Variants in PRKD3 observed in about 807,000 individuals in gnomAD.
The protein encoded by PRKD3 is serine/threonine-protein kinase D3.
Under a neutral mutation model 99.2 loss-of-function variants are expected in PRKD3, and 47 were observed. The observed-to-expected ratio is 0.47, with a 90% confidence interval of 0.38 to 0.60. PRKD3 has a LOEUF of 0.60. Ranked by LOEUF, PRKD3 falls within the 20% of genes least tolerant of loss-of-function variation. The pLI is 0.00. For synonymous variants in PRKD3, 392 were observed against 355.4 expected, an observed-to-expected ratio of 1.10 and a Z score of -1.16; for missense variants, 1,019 against 1,088.4, an observed-to-expected ratio of 0.94 and a Z score of 0.90.
At chr2:37,300,485 C>A (rs765797536) in intron 2 of PRKD3, among the ~76,000 whole-genome samples, 3 of 152,106 alleles carry the variant, frequency 2.0e-5, no homozygotes, top group African/African-American at 7.2e-5. Context: ...CTACAGTTAA[C>A]AACAATTTAT....
chr2:37,262,534 G>A (rs1668543298), intron 14 of PRKD3, among the ~76,000 whole-genome samples: 1 of 152,158 alleles, frequency 6.6e-6, no homozygotes, highest in South Asian at 2.1e-4. Flanking sequence ...ACATTTTATA[G>A]TAGATAAATG....
At chr2:37,317,705 G>A (rs1008458109) in intron 1 of PRKD3, 5 of 152,064 alleles carry the variant, frequency 3.3e-5, no homozygotes, top group Admixed American at 3.3e-4. Flanking sequence ...GAAGCAGGAG[G>A]GGATATACTG....
At chr2:37,260,195 G>T in intron 15 of PRKD3, 28 bp downstream of exon 15, 2 of 1,556,574 alleles carry the variant, frequency 1.3e-6, no homozygotes, top group Non-Finnish European at 1.7e-6. Flanking sequence ...TTAATCGCTA[G>T]TTTAAAAAAA....
intron 1 of PRKD3, among the ~76,000 whole-genome samples, chr2:37,321,572 C>T (rs1459524362): frequency 2.0e-5 from 3 of 152,196 alleles, no homozygotes; most frequent in Non-Finnish European, 4.4e-5. Flanking sequence ...TTAATTAGTA[C>T]TTATTATTTC....
At chr2:37,286,054 C>T in intron 6 of PRKD3, 123 bp downstream of exon 6, 1 of 885,602 alleles carries the variant, frequency 1.1e-6, no homozygotes, top group Admixed American at 3.1e-5. Flanking sequence ...TTTCTCTTTC[C>T]TTTATATAAC....
chr2:37,279,674 G>A lies in PRKD3; in HGVS notation c.1172+72C>T, dbSNP rs1222660997. 39 of 1,197,916 alleles carry A rather than the reference G, an allele frequency of 3.3e-5. No individual in the cohort carries two copies. The East Asian group carries it at 5.3e-4, about 16-fold the overall frequency. The allele number at this position is 1,197,916 out of a possible 1,614,324, so 74.2% of individuals were successfully genotyped here. A position where few individuals can be genotyped will look rare whatever the true frequency, so the allele number is the denominator to read the frequency against. ...CTTTTAAGGTCCCACTTAAAGAGAC[G>A]TGGCTTTTTCTTAATGAGATCCTGA... On this transcript the variant is annotated intron_variant, in intron 8 of 18. Coordinates refer to ENST00000234179, the MANE Select transcript of PRKD3 (RefSeq NM_005813.6).
intron 13 of PRKD3, chr2:37,268,573 T>A: frequency 4.0e-6 from 1 of 251,778 alleles, no homozygotes; most frequent in African/African-American, 2.3e-5. Context: ...GTATGTTGGG[T>A]AGCAGGAGTA....
In PRKD3 at chr2:37,251,354, G is replaced by C. The variant is rs529286246; in HGVS notation, c.*1823C>G. ...AGGGTAAGATTAGAGCCATACTACT[G>C]GTCTCAAATACTACTAACTGTTTGA... On this transcript the variant is annotated 3_prime_UTR_variant, in exon 19 of 19. Coordinates refer to ENST00000234179, the MANE Select transcript of PRKD3 (RefSeq NM_005813.6). The C allele has an allele frequency of 6.6e-6, 1 of 152,562 alleles. No individual in the cohort carries two copies. The highest frequency in any genetic ancestry group is 2.4e-5 in the African/African-American group (1 of 41,496). 9.5% of individuals were successfully genotyped at this position (152,562 alleles called of 1,614,324 possible).
chr2:37,256,934 A>G lies in PRKD3; in HGVS notation c.2146-5T>C. ...TCCAAAGTCACACAGCTTCACCTGG[A>G]AATTGAAGGATGATGTTAATTTTGT... On this transcript the variant is annotated splice_polypyrimidine_tract_variant and splice_region_variant and intron_variant, in intron 16 of 18. Transcript: ENST00000234179. The G allele has an allele frequency of 6.2e-7, 1 of 1,613,846 alleles. No homozygotes were observed. Among genetic ancestry groups the G allele is most frequent in the Non-Finnish European group, 8.5e-7 (1 of 1,179,754 alleles).
At chr2:37,291,703 G>C (rs1009596276) in intron 3 of PRKD3, among the ~76,000 whole-genome samples, 1 of 152,182 alleles carries the variant, frequency 6.6e-6, no homozygotes, top group East Asian at 1.9e-4. Context: ...CAGGGAGTGA[G>C]ATGAATGAGA....
chr2:37,253,190 T>C lies in PRKD3; in HGVS notation c.2660A>G (p.Glu887Gly). ...TTAGCTCAGTGATTAAGGATCTTCT[T>C]CCATATCATCTGGATTAGGAGCCAT... Reference protein sequence around the residue: ...FIMAPNPDDMEEDP With the variant: ...FIMAPNPDDMGEDP The change falls in exon 19 of 19, where the codon GAA (glutamate) becomes GGA (glycine). Residue 887 changes from glutamate (E) to glycine (G), a missense_variant. By Grantham distance (98) the Glu-to-Gly change is moderately conservative. Transcript: ENST00000234179. 6.2e-7 allele frequency: 1 copy of C among 1,602,292 alleles called. No homozygotes were observed. The highest frequency in any genetic ancestry group is 8.5e-7 in the Non-Finnish European group (1 of 1,173,632).
intron 2 of PRKD3, among the ~76,000 whole-genome samples, chr2:37,294,104 A>C (rs1163974623): frequency 6.6e-6 from 1 of 152,016 alleles, no homozygotes; most frequent in Non-Finnish European, 1.5e-5. Flanking sequence ...AGTTCTCAAA[A>C]CCTTTTTTTG....
At chr2:37,301,534 A>C (rs913613421) in intron 2 of PRKD3, among the ~76,000 whole-genome samples, 9 of 152,060 alleles carry the variant, frequency 5.9e-5, no homozygotes, top group African/African-American at 2.2e-4. Flanking sequence ...CCTGGGCTCA[A>C]GCAATCCTTT....
intron 2 of PRKD3, among the ~76,000 whole-genome samples, chr2:37,306,379 C>A (rs1392337515): frequency 2.0e-5 from 3 of 152,280 alleles, no homozygotes; most frequent in East Asian, 1.9e-4. Context: ...AGCTTATAAA[C>A]CTCTAGAAGG....
intron 2 of PRKD3, among the ~76,000 whole-genome samples, chr2:37,303,632 T>C (rs568703436): frequency 5.3e-5 from 8 of 151,612 alleles, no homozygotes; most frequent in East Asian, 3.9e-4. Context: ...CCAAAAGAGG[T>C]TGAGTGTGGC....
intron 2 of PRKD3, among the ~76,000 whole-genome samples, chr2:37,315,136 G>T (rs1324623772): frequency 1.3e-5 from 2 of 152,156 alleles, no homozygotes; most frequent in East Asian, 1.9e-4. Context: ...TTTACAATTT[G>T]TTTGAAACAA....
At chr2:37,256,128 A>C (rs1176235495) in intron 17 of PRKD3, among the ~76,000 whole-genome samples, 1 of 152,256 alleles carries the variant, frequency 6.6e-6, no homozygotes, top group East Asian at 1.9e-4. Context: ...GGGGTCCTCG[A>C]ATTTTAATAG....
chr2:37,288,117 T>C (rs1385308707), intron 5 of PRKD3, among the ~76,000 whole-genome samples: 1 of 152,240 alleles, frequency 6.6e-6, no homozygotes, highest in Non-Finnish European at 1.5e-5. Flanking sequence ...TCTGTCCTTC[T>C]GCTATTTCCT....
At chr2:37,308,231 T>C (rs1470302285) in intron 2 of PRKD3, among the ~76,000 whole-genome samples, 1 of 152,208 alleles carries the variant, frequency 6.6e-6, no homozygotes, top group Non-Finnish European at 1.5e-5. Flanking sequence ...ATTTTCCCAA[T>C]CTTGTTGCTT....
Sources: allele counts gnomAD v4.1 joint callset (sites outside exome capture counted in the v4.1 genomes callset), GRCh38; gene constraint gnomAD v4.1.1; transcripts MANE v1.5; gene names NCBI Gene and HGNC (gene_info 2026-07-23, HGNC 2026-07-21).